RGL4: variants seen among roughly 807,000 people sequenced by gnomAD.
The protein encoded by RGL4 is ral-GDS-related protein.
A neutral mutation model predicts 49.6 loss-of-function variants in RGL4; 41 were observed. The ratio of observed to expected loss-of-function variants is 0.83; its 90% CI spans 0.64 to 1.07. RGL4 has a LOEUF of 1.07. Among genes scored for constraint, RGL4 ranks in the 50% least tolerant of loss-of-function variants. RGL4 has a pLI of 0.00. For missense variants in RGL4, 610 were observed against 591.9 expected, an observed-to-expected ratio of 1.03 and a Z score of -0.32; for synonymous variants, 255 against 238.0, an observed-to-expected ratio of 1.07 and a Z score of -0.66.
chr22:23,698,184 C>G, intron 9 of RGL4, 28 bp from the exon 10 acceptor site: 1 of 1,588,764 alleles, frequency 6.3e-7, no homozygotes, highest in East Asian at 2.3e-5. Context: ...CACCCAGGCC[C>G]TGTCAGCATC....
At chr22:23,696,215 C>T in intron 6 of RGL4, 1 of 995,892 alleles carries the variant, frequency 1.0e-6, no homozygotes, top group Non-Finnish European at 1.3e-6. Context: ...GCCTCTGTTT[C>T]CTCATCTGGA....
rs369212871 is a variant in RGL4 at position 23,692,531 on chromosome 22, G to A, written c.373+3G>A. 347 of 1,612,366 alleles carry A rather than the reference G, an allele frequency of 2.2e-4. No homozygotes were observed. The highest frequency in any genetic ancestry group is 2.8e-4 in the Non-Finnish European group (329 of 1,178,812). On this transcript the variant is annotated splice_donor_region_variant and intron_variant, in intron 2 of 10. Transcript: ENST00000290691. ...GCCCAACGAGGCCAAGCCAGATGGTGAGGGGGCTTGCAGTCTGCAAGACTT... is the reference window on the plus strand; with the variant it reads ...GCCCAACGAGGCCAAGCCAGATGGTAAGGGGGCTTGCAGTCTGCAAGACTT...
intron 3 of RGL4, chr22:23,693,284 T>C: frequency 4.0e-6 from 2 of 506,068 alleles, no homozygotes; most frequent in Middle Eastern, 5.4e-4. Context: ...CATGGGTCAC[T>C]CACCCAGCTG....
chr22:23,692,115 G>C lies in RGL4; in HGVS notation c.85G>C (p.Glu29Gln). 1 of 1,614,182 alleles carries C rather than the reference G, an allele frequency of 6.2e-7. No homozygotes were observed. Among genetic ancestry groups the C allele is most frequent in the Non-Finnish European group, 8.5e-7 (1 of 1,180,008 alleles). Residue 29 changes from glutamate (E) to glutamine (Q), a missense_variant, in exon 1 of 11, where the codon GAG becomes CAG. Physicochemically the swap from Glu to Gln is conservative, Grantham distance 29. Transcript: ENST00000290691. ...TGCTGTGCTCCAGGGCCTTTGGGAA[G>C]AGAATGTCTGTGGGACGCCAGGGCG... Reference protein sequence around the residue: ...YSAVLQGLWEENVCGTPGRTR... With the variant: ...YSAVLQGLWEQNVCGTPGRTR...
In RGL4 at chr22:23,692,368, C is replaced by T. The variant is rs569466824; in HGVS notation, c.213C>T (p.Pro71=). The change falls in exon 2 of 11, where the codon CCC becomes CCT. Residue 71 remains proline (P), a synonymous_variant. Coordinates refer to ENST00000290691, the MANE Select transcript of RGL4 (RefSeq NM_153615.2). ...CCTCCATTTTGTTCAACTGGCCCCC[C>T]GAAAACACTTCAGTTTACTATCAGC... is the stretch of plus-strand genomic sequence containing the variant. The part of the protein sequence containing the change: ...TITSILFNWP[P]ENTSVYYQPP... 2.4e-5 allele frequency: 38 copies of T among 1,614,182 alleles called. No homozygotes were observed. Among genetic ancestry groups the T allele is most frequent in the African/African-American group, 1.1e-4 (8 of 75,054 alleles).
rs1923320658 is a variant in RGL4, at chr22:23,693,994, G to A, written c.912+20G>A. ...GCCAGGGTAAGCTATGGTTGGGCCTGGGGATTCCCTCTTTAAAAATGGGGA... is the reference window on the plus strand; with the variant it reads ...GCCAGGGTAAGCTATGGTTGGGCCTAGGGATTCCCTCTTTAAAAATGGGGA... On this transcript the variant is annotated intron_variant, in intron 4 of 10. Coordinates refer to ENST00000290691, the MANE Select transcript of RGL4 (RefSeq NM_153615.2). 1 of 1,604,810 alleles carries A rather than the reference G, an allele frequency of 6.2e-7. No homozygotes were observed. The highest frequency in any genetic ancestry group is 1.1e-5 in the South Asian group (1 of 90,902).
chr22:23,692,166 T>C lies in RGL4; in HGVS notation c.136T>C (p.Tyr46His), dbSNP rs151040911. The C allele has an allele frequency of 1.3e-4, 210 of 1,614,174 alleles. 1 individual carries two copies. The African/African-American group carries it at 2.2e-3, about 17-fold the overall frequency. ...CACGAGGGTCTGTACAGCCCTGCTGTATGGCCAGGTCTGCCCCTTCCAGGA... is the reference window on the plus strand; with the variant it reads ...CACGAGGGTCTGTACAGCCCTGCTGCATGGCCAGGTCTGCCCCTTCCAGGA... ...GRTRVCTALL[Y>H]GQVCPFQDST... Residue 46 changes from tyrosine (Y) to histidine (H), a missense_variant, in exon 1 of 11, where the codon TAT becomes CAT. Transcript: ENST00000290691.
At chr22:23,695,427 G>C (rs1418430062) in intron 6 of RGL4, 4 of 535,248 alleles carry the variant, frequency 7.5e-6, no homozygotes, top group Non-Finnish European at 1.3e-5. Context: ...AATTCCTCAG[G>C]AAGCCAGGCC....
chr22:23,696,529 C>T (rs1248755058), intron 6 of RGL4, 85 bp from the exon 7 acceptor site: 2 of 1,603,156 alleles, frequency 1.2e-6, no homozygotes. Flanking sequence ...CCCGCCACTC[C>T]CTGGGGATCC....
chr22:23,697,878 C>G lies in RGL4; in HGVS notation c.1260+17C>G, dbSNP rs1259488970. 6.2e-7 allele frequency: 1 copy of G among 1,603,272 alleles called. No individual in the cohort carries two copies. The highest frequency in any genetic ancestry group is 1.3e-5 in the African/African-American group (1 of 74,884). On this transcript the variant is annotated intron_variant, in intron 9 of 10. Transcript: ENST00000290691. The stretch of plus-strand genomic sequence containing the variant: ...AGGAGCAAGGTGAGCAGCTGGGGCA[C>G]TCACGTTGGATGAGGGTGGGGATGT...
chr22:23,692,423 C>T lies in RGL4; in HGVS notation c.268C>T (p.Leu90=). The T allele has an allele frequency of 6.2e-7, 1 of 1,614,222 alleles. No homozygotes were observed. Among genetic ancestry groups the T allele is most frequent in the Non-Finnish European group, 8.5e-7 (1 of 1,180,046 alleles). Residue 90 remains leucine (L), a synonymous_variant, in exon 2 of 11, where the codon CTG becomes TTG. Coordinates refer to ENST00000290691, the MANE Select transcript of RGL4 (RefSeq NM_153615.2). ...GCAACGGTCATCTTTCCGGATAAAG[C>T]TGGCCTTCAGGAACCTCTCCTGGCC... is the stretch of plus-strand genomic sequence containing the variant. ...PPQRSSFRIK[L]AFRNLSWPGL...
intron 9 of RGL4, 47 bp from the exon 10 acceptor site, chr22:23,698,165 A>T: frequency 6.3e-7 from 1 of 1,577,892 alleles, no homozygotes; most frequent in East Asian, 2.3e-5. Context: ...AGGCCCCCAC[A>T]GCAACTTCCA....
Position 23,698,970 on chromosome 22 carries a change from CACCAGGGA to C in RGL4, c.*92_*99del, listed in dbSNP as rs752336308. On this transcript the variant is annotated 3_prime_UTR_variant, in exon 11 of 11. Coordinates refer to ENST00000290691, the MANE Select transcript of RGL4 (RefSeq NM_153615.2). ...CACCATCCCTCACCCAGACCGTAGA[CACCAGGGA>C]ACCACATCTAGGAGGCTGGCAGCTC... 3.4e-5 allele frequency: 53 copies of C among 1,571,988 alleles called. No individual in the cohort carries two copies. The highest frequency in any genetic ancestry group is 4.4e-5 in the Non-Finnish European group (51 of 1,158,294).
chr22:23,694,431 A>G lies in RGL4; in HGVS notation c.997A>G (p.Thr333Ala). The G allele has an allele frequency of 6.2e-7, 1 of 1,613,528 alleles. No individual in the cohort carries two copies. Among genetic ancestry groups the G allele is most frequent in the South Asian group, 1.1e-5 (1 of 91,072 alleles). ...CAACCCAATAGGTCAGCTACACAAG[A>G]CGTGGGCAGGAGTGTCCAGGTGAGG... ...CSNPIGQLHK[T>A]WAGVSSKSMK... The change falls in exon 5 of 11, where the codon ACG becomes GCG. Residue 333 changes from threonine to alanine, a missense_variant. Coordinates refer to ENST00000290691, the MANE Select transcript of RGL4 (RefSeq NM_153615.2).
rs549735593 is a variant in RGL4, at chr22:23,697,104, G to C, written c.1162-67G>C. 9.0e-5 allele frequency: 109 copies of C among 1,212,444 alleles called. No homozygotes were observed. The African/African-American group carries it at 1.2e-3, about 13-fold the overall frequency. 75.1% of individuals were successfully genotyped at this position (1,212,444 alleles called of 1,614,324 possible). A position where few individuals can be genotyped will look rare whatever the true frequency, so the allele number is the denominator to read the frequency against. On this transcript the variant is annotated intron_variant, in intron 7 of 10. Coordinates refer to ENST00000290691, the MANE Select transcript of RGL4 (RefSeq NM_153615.2). Reference sequence around the variant, plus strand: ...GGGATTTCATGGGACAGGACCTTGGGCAGGCACCTGAGGGCCAATACTCAT... The same window carrying C: ...GGGATTTCATGGGACAGGACCTTGGCCAGGCACCTGAGGGCCAATACTCAT...
intron 6 of RGL4, chr22:23,695,664 A>C: frequency 3.1e-6 from 1 of 319,732 alleles, no homozygotes. Context: ...ACACCCAAAA[A>C]CGGTCATGTC....
chr22:23,694,006 T>G (rs2123857293), intron 4 of RGL4, 32 bp downstream of exon 4: 1 of 1,587,132 alleles, frequency 6.3e-7, no homozygotes, highest in African/African-American at 1.3e-5. Flanking sequence ...GGATTCCCTC[T>G]TTAAAAATGG....
rs371005667 is a variant in RGL4 at position 23,697,884 on chromosome 22, T to A, written c.1260+23T>A. The A allele has an allele frequency of 4.4e-6, 7 of 1,601,340 alleles. No individual in the cohort carries two copies. In the African/African-American group the frequency reaches 8.0e-5, roughly 18 times the overall value. Reference sequence around the variant, plus strand: ...AAGGTGAGCAGCTGGGGCACTCACGTTGGATGAGGGTGGGGATGTGGACGT... The same window carrying A: ...AAGGTGAGCAGCTGGGGCACTCACGATGGATGAGGGTGGGGATGTGGACGT... On this transcript the variant is annotated intron_variant, in intron 9 of 10. Coordinates refer to ENST00000290691, the MANE Select transcript of RGL4 (RefSeq NM_153615.2).
chr22:23,694,016 G>A (rs1318881602), intron 4 of RGL4, 42 bp downstream of exon 4: 1 of 1,555,246 alleles, frequency 6.4e-7, no homozygotes, highest in Admixed American at 1.7e-5. Context: ...TTTAAAAATG[G>A]GGAACTTCCT....
Sources: gnomAD v4.1 joint callset for allele counts on GRCh38, gnomAD v4.1.1 for gene constraint, MANE v1.5 for transcripts, NCBI Gene and HGNC (gene_info 2026-07-23, HGNC 2026-07-21) for gene names.